The following OVGP1 variants were observed in gnomAD, a reference collection of about 807,000 sequenced individuals.
The protein encoded by OVGP1 is oviduct-specific glycoprotein.
In OVGP1, 26 loss-of-function variants were observed where a neutral mutation model predicts 48.2. The ratio of observed to expected loss-of-function variants is 0.54; its 90% CI spans 0.40 to 0.75. The LOEUF is 0.75. OVGP1 is among the 30% of genes least tolerant of loss of function. The pLI is 0.00. For synonymous variants in OVGP1, 294 were observed against 305.7 expected (o/e 0.96, Z 0.40); for missense variants, 791 against 820.6 (o/e 0.96, Z 0.44).
intron 6 of OVGP1, 82 bp from the exon 7 acceptor site, chr1:111,421,755 C>T: frequency 9.4e-6 from 8 of 852,544 alleles, no homozygotes; most frequent in Non-Finnish European, 1.6e-5. Flanking sequence ...GTCTAGCTAA[C>T]TAGCTAGACA....
chr1:111,422,754 T>C (rs1292492564), intron 6 of OVGP1, among the ~76,000 whole-genome samples, 173 bp downstream of exon 6: 2 of 152,140 alleles, frequency 1.3e-5, no homozygotes, highest in Non-Finnish European at 2.9e-5. Flanking sequence ...CAGGGTATAA[T>C]GGAACTAGCC....
At position 111,421,398 on chromosome 1, in the gene OVGP1, G is replaced by C; in HGVS notation, c.781C>G (p.Pro261Ala). The C allele has an allele frequency of 6.2e-7, 1 of 1,613,960 alleles. No individual in the cohort carries two copies. Among genetic ancestry groups the C allele is most frequent in the Non-Finnish European group, 8.5e-7 (1 of 1,179,950 alleles). The change falls in exon 8 of 11, where the codon CCC becomes GCC. Residue 261 changes from proline to alanine, a missense_variant. By Grantham distance (27) the Pro-to-Ala change is conservative. Transcript: ENST00000369732. Reference protein sequence around the residue: ...APSEKLIMGIPTYGRTFRLLK... With the variant: ...APSEKLIMGIATYGRTFRLLK... The stretch of plus-strand genomic sequence containing the variant: ...AGGCGAAAGGTACGTCCATAGGTGG[G>C]GATCCCCATGATGAGCTTCTCTGAG...
Position 111,419,624 on chromosome 1 carries a change from T to C in OVGP1, c.1006A>G (p.Ser336Gly). The change falls in exon 9 of 11, where the codon AGC becomes GGC. Residue 336 changes from serine to glycine, a missense_variant. Ser to Gly is a moderately conservative substitution (Grantham distance 56). Transcript: ENST00000369732. ...KEWVGYDNAI[S>G]FSYKAWFIRR... Reference sequence around the variant, plus strand: ...CAGGGTCTCACCTTGTAACTGAAGCTGATGGCATTGTCATAGCCAACCCAC... The same window carrying C: ...CAGGGTCTCACCTTGTAACTGAAGCCGATGGCATTGTCATAGCCAACCCAC... 4 of 1,600,638 alleles carry C rather than the reference T, an allele frequency of 2.5e-6. No homozygotes were observed. Among genetic ancestry groups the C allele is most frequent in the Admixed American group, 3.3e-5 (2 of 59,994 alleles).
In OVGP1 at chr1:111,423,482, A is replaced by G; in HGVS notation, c.483+61T>C. On this transcript the variant is annotated intron_variant, in intron 5 of 10. Coordinates refer to ENST00000369732, the MANE Select transcript of OVGP1 (RefSeq NM_002557.4). Reference sequence around the variant, plus strand: ...TGGACTTATGCTCTTCTCCTGCCATAAGCCTAGATATATAAAAGTAGAATC... The same window carrying G: ...TGGACTTATGCTCTTCTCCTGCCATGAGCCTAGATATATAAAAGTAGAATC... The G allele has an allele frequency of 5.8e-6, 9 of 1,551,260 alleles. No homozygotes were observed. The South Asian group carries it at 1.0e-4, about 18-fold the overall frequency.
In OVGP1 at chr1:111,423,674, C is replaced by T; in HGVS notation, c.352G>A (p.Glu118Lys). ...TTMLSTFANREKFIASVISLL... is the reference protein window; with the variant it reads ...TTMLSTFANRKKFIASVISLL... ...GATATAACTGAAGCAATAAACTTTTCACGGTTGGCAAATGTGGACAACATA... is the reference window on the plus strand; with the variant it reads ...GATATAACTGAAGCAATAAACTTTTTACGGTTGGCAAATGTGGACAACATA... Residue 118 changes from glutamate to lysine, a missense_variant, in exon 5 of 11, where the codon GAA (glutamate) becomes AAA (lysine). Transcript: ENST00000369732. 6.2e-7 allele frequency: 1 copy of T among 1,614,110 alleles called. No individual in the cohort carries two copies. Among genetic ancestry groups the T allele is most frequent in the East Asian group, 2.2e-5 (1 of 44,880 alleles).
At chr1:111,423,450 C>T in intron 5 of OVGP1, 93 bp downstream of exon 5, 1 of 1,341,854 alleles carries the variant, frequency 7.5e-7, no homozygotes, top group Non-Finnish European at 1.0e-6. Context: ...TCTTCTGCCC[C>T]TGGCCCTGGA....
In OVGP1 at chr1:111,421,415, T is replaced by C; in HGVS notation, c.764A>G (p.Lys255Arg). ...YWRKLGAPSE[K>R]LIMGIPTYGR... ...ATAGGTGGGGATCCCCATGATGAGC[T>C]TCTCTGAGGGTGCCCCAAGCTTTCT... is the stretch of plus-strand genomic sequence containing the variant. Residue 255 changes from lysine (K) to arginine (R), a missense_variant, in exon 8 of 11, where the codon AAG (lysine) becomes AGG (arginine). By Grantham distance (26) the Lys-to-Arg change is conservative. Transcript: ENST00000369732. 6.2e-7 allele frequency: 1 copy of C among 1,613,338 alleles called. No homozygotes were observed. The highest frequency in any genetic ancestry group is 1.3e-5 in the African/African-American group (1 of 75,000).
In OVGP1 at chr1:111,423,765, A is replaced by G. The variant is rs776725949; in HGVS notation, c.318-57T>C. ...TCTATCCACAGAATCACAACCTCCT[A>G]CAAGGCCCCTTGCAAGCTTGGTTCC... On this transcript the variant is annotated intron_variant, in intron 4 of 10. Transcript: ENST00000369732. The G allele has an allele frequency of 6.5e-5, 101 of 1,542,568 alleles. 1 individual carries two copies. The highest frequency in any genetic ancestry group is 8.3e-5 in the Non-Finnish European group (94 of 1,129,356).
chr1:111,423,475 C>T (rs1009706117), intron 5 of OVGP1, 68 bp downstream of exon 5: 40 of 1,523,022 alleles, frequency 2.6e-5, no homozygotes. Flanking sequence ...TGCTCTTCTC[C>T]TGCCATAAGC....
chr1:111,414,517 G>A lies in OVGP1; in HGVS notation c.1984C>T (p.Leu662Phe), dbSNP rs1292613624. 1.2e-6 allele frequency: 2 copies of A among 1,613,882 alleles called. No homozygotes were observed. The highest frequency in any genetic ancestry group is 2.2e-5 in the South Asian group (2 of 91,052). The change falls in exon 11 of 11, where the codon CTT becomes TTT. Residue 662 changes from leucine to phenylalanine, a missense_variant. Transcript: ENST00000369732. ...TCTGGGATTTCTTTTTTTAGAGAAA[G>A]AGGACTTGTTTGAGGGGTTACTGAG... ...VNSVTPQTSP[L>F]SLKKEIPENS...
rs762826498 is a variant in OVGP1 at position 111,426,481 on chromosome 1, C to G, written c.216G>C (p.Gln72His). The G allele has an allele frequency of 2.7e-5, 43 of 1,614,048 alleles. No individual in the cohort carries two copies. The highest frequency in any genetic ancestry group is 3.6e-5 in the Non-Finnish European group (42 of 1,180,032). Residue 72 changes from glutamine to histidine, a missense_variant, in exon 3 of 11, where the codon CAG (glutamine) becomes CAC (histidine). Physicochemically the swap from Gln to His is conservative, Grantham distance 24 (BLOSUM62 0). Coordinates refer to ENST00000369732, the MANE Select transcript of OVGP1 (RefSeq NM_002557.4). ...ACTCTGGGTAGAGAATTTTCTCATCCTGGAGATCCTTAGCAACAATCTGAT... is the reference window on the plus strand; with the variant it reads ...ACTCTGGGTAGAGAATTTTCTCATCGTGGAGATCCTTAGCAACAATCTGAT... Reference protein sequence around the residue: ...NNNQIVAKDLQDEKILYPEFN... With the variant: ...NNNQIVAKDLHDEKILYPEFN...
In OVGP1 at chr1:111,423,623, C is replaced by A; in HGVS notation, c.403G>T (p.Gly135Cys). ...ISLLRTHDFD[G>C]LDLFFLYPGL... ...GGATATAAGAAGAAAAGGTCAAGAC[C>A]ATCAAAGTCATGTGTCCTCAGAAGG... Residue 135 changes from glycine (G) to cysteine (C), a missense_variant, in exon 5 of 11, where the codon GGT becomes TGT. Transcript: ENST00000369732. 1 of 1,614,124 alleles carries A rather than the reference C, an allele frequency of 6.2e-7. No homozygotes were observed. The highest frequency in any genetic ancestry group is 8.5e-7 in the Non-Finnish European group (1 of 1,179,992).
intron 9 of OVGP1, among the ~76,000 whole-genome samples, chr1:111,417,764 C>G (rs1296981271): frequency 6.6e-6 from 1 of 152,192 alleles, no homozygotes; most frequent in Non-Finnish European, 1.5e-5. Flanking sequence ...GAGTCAGTTT[C>G]CATGTCCCAA....
In OVGP1 at chr1:111,426,463, G is replaced by A. The variant is rs1037811161; in HGVS notation, c.234C>T (p.Tyr78=). 7 of 1,613,982 alleles carry A rather than the reference G, an allele frequency of 4.3e-6. No homozygotes were observed. Among genetic ancestry groups the A allele is most frequent in the African/African-American group, 4.0e-5 (3 of 74,894 alleles). Residue 78 remains tyrosine (Y), a synonymous_variant, in exon 3 of 11, where the codon TAC becomes TAT. Coordinates refer to ENST00000369732, the MANE Select transcript of OVGP1 (RefSeq NM_002557.4). The part of the protein sequence containing the change: ...AKDLQDEKIL[Y]PEFNKLKERN... Reference sequence around the variant, plus strand: ...TCTCCTTTAGTTTGTTGAACTCTGGGTAGAGAATTTTCTCATCCTGGAGAT... The same window carrying A: ...TCTCCTTTAGTTTGTTGAACTCTGGATAGAGAATTTTCTCATCCTGGAGAT...
At position 111,426,637 on chromosome 1, in the gene OVGP1, A is replaced by T. The variant is rs1652405055; in HGVS notation, c.60T>A (p.Ala20=). Residue 20 remains alanine (A), a synonymous_variant, in exon 3 of 11, where the codon GCT becomes GCA. Coordinates refer to ENST00000369732, the MANE Select transcript of OVGP1 (RefSeq NM_002557.4). Reference sequence around the variant, plus strand: ...TGAAATAACACACGAGTTTATGGGCAGCACCTGGTAAGGGAGAGCACACAT... The same window carrying T: ...TGAAATAACACACGAGTTTATGGGCTGCACCTGGTAAGGGAGAGCACACAT... ...LVLVLKHHDG[A]AHKLVCYFTN... is the part of the protein sequence containing the mutation. 5 of 1,613,588 alleles carry T rather than the reference A, an allele frequency of 3.1e-6. No homozygotes were observed. The highest frequency in any genetic ancestry group is 4.2e-6 in the Non-Finnish European group (5 of 1,179,800).
chr1:111,426,795 G>GTTC (rs1440850879), intron 2 of OVGP1, 154 bp from the exon 3 acceptor site: 1 of 1,547,512 alleles, frequency 6.5e-7, no homozygotes, highest in Non-Finnish European at 8.7e-7. Context: ...CTACACTGAG[G>GTTC]TTCTATTCCT....
intron 3 of OVGP1, among the ~76,000 whole-genome samples, chr1:111,425,865 G>A (rs1264890): frequency 0.45 from 68,496 of 151,998 alleles, 16,116 homozygotes; most frequent in East Asian, 0.74. Context: ...ATAATCTAGT[G>A]GCATAGAACT....
chr1:111,420,981 T>C (rs1652253195), intron 8 of OVGP1, among the ~76,000 whole-genome samples: 1 of 152,186 alleles, frequency 6.6e-6, no homozygotes. Context: ...TGATTTTTAT[T>C]TAGGCCATAC....
At chr1:111,426,751 T>A in intron 2 of OVGP1, 110 bp from the exon 3 acceptor site, 1 of 1,550,810 alleles carries the variant, frequency 6.4e-7, no homozygotes, top group Non-Finnish European at 8.7e-7. Context: ...CATTTTCACA[T>A]CCTCTCTCCC....
Sources: gnomAD v4.1 joint callset for allele counts (sites outside exome capture counted in the v4.1 genomes callset) on GRCh38, gnomAD v4.1.1 for gene constraint, MANE v1.5 for transcripts, NCBI Gene and HGNC (gene_info 2026-07-23, HGNC 2026-07-21) for gene names.